The following ERC1 variants were observed in gnomAD, a reference collection of about 807,000 sequenced individuals.
The protein encoded by ERC1 is RAB6 interacting protein 2.
In ERC1, 56 loss-of-function variants were observed where a neutral mutation model predicts 132.0. The ratio of observed to expected loss-of-function variants is 0.42; its 90% confidence interval spans 0.34 to 0.53. The LOEUF (loss-of-function observed/expected upper bound fraction) is 0.53. ERC1 is among the 20% of genes least tolerant of loss of function. ERC1 has a pLI of 0.03. For synonymous variants in ERC1, 478 were observed against 476.1 expected (o/e 1.00, Z -0.05); for missense variants, 1,202 against 1,349.9 (o/e 0.89, Z 1.72).
chr12:1,232,969 A>G (rs73027414), intron 12 of ERC1, among the ~76,000 whole-genome samples: 4,631 of 152,290 alleles, frequency 0.03, 91 homozygotes, highest in South Asian at 0.058. Context: ...GAATACCCAT[A>G]TAGGGGAATC....
intron 7 of ERC1, among the ~76,000 whole-genome samples, chr12:1,137,189 C>T (rs1166381488): frequency 2.0e-5 from 3 of 147,910 alleles, no homozygotes; most frequent in Non-Finnish European, 3.0e-5. Flanking sequence ...ACCTCCGAAT[C>T]CCTGGTTCAA....
chr12:1,225,624 C>T (rs964510267), intron 12 of ERC1, among the ~76,000 whole-genome samples: 1 of 152,078 alleles, frequency 6.6e-6, no homozygotes, highest in Non-Finnish European at 1.5e-5. Flanking sequence ...ACTTACTCTT[C>T]GATATAATTG....
chr12:1,227,110 T>G (rs1186900195), intron 12 of ERC1, among the ~76,000 whole-genome samples: 5 of 152,210 alleles, frequency 3.3e-5, no homozygotes, highest in Admixed American at 2.0e-4. Context: ...GATATGGGAG[T>G]GCAGATCCTG....
intron 13 of ERC1, among the ~76,000 whole-genome samples, chr12:1,252,372 T>C (rs559942056): frequency 6.6e-6 from 1 of 152,286 alleles, no homozygotes; most frequent in South Asian, 2.1e-4. Flanking sequence ...TGGTAAAGAC[T>C]TTGAAAAGGT....
intron 12 of ERC1, among the ~76,000 whole-genome samples, chr12:1,196,970 ATATATATTTTTTT>A (rs1956371931): frequency 1.6e-5 from 1 of 60,690 alleles, no homozygotes; most frequent in African/African-American, 1.2e-4. Flanking sequence ...ACATATATAT[ATATATATTTTTTT>A]TTTTTTTTTT....
Position 1,396,740 on chromosome 12 carries a change from G to A in ERC1, c.2926-11409G>A, listed in dbSNP as rs115620639. On this transcript the variant is annotated intron_variant, in intron 16 of 18. Transcript: ENST00000360905. ...AGCAGCTGCCCAGGGGCTAGCAGAC[G>A]TAGTTATGACTAGAAGGACTTGGGT... Among the ~76,000 whole-genome samples, 525 of 152,252 alleles carry A rather than the reference G, an allele frequency of 3.4e-3. 2 individuals carry two copies. The highest frequency in any genetic ancestry group is 0.012 in the African/African-American group (480 of 41,552).
At chr12:1,028,949 GGT>G (rs1967441081) in intron 2 of ERC1, among the ~76,000 whole-genome samples, 1 of 150,402 alleles carries the variant, frequency 6.6e-6, no homozygotes, top group African/African-American at 2.4e-5. Flanking sequence ...TTAAATGTAA[GGT>G]ATACCATTAA....
At chr12:1,067,486 A>C (rs1406955836) in intron 2 of ERC1, among the ~76,000 whole-genome samples, 1 of 152,206 alleles carries the variant, frequency 6.6e-6, no homozygotes, top group African/African-American at 2.4e-5. Flanking sequence ...AACTCACCGA[A>C]GTAATTTAGT....
At chr12:1,204,516 A>G (rs1268457545) in intron 12 of ERC1, 1 of 1,591,744 alleles carries the variant, frequency 6.3e-7, no homozygotes, top group Non-Finnish European at 8.5e-7. Flanking sequence ...CCTCAAGGTC[A>G]GTATGCTTGC....
At chr12:1,147,527 C>T (rs896381141) in intron 8 of ERC1, among the ~76,000 whole-genome samples, 3 of 152,128 alleles carry the variant, frequency 2.0e-5, no homozygotes, top group African/African-American at 2.4e-5. Context: ...ACATTTACTT[C>T]TTATTAGGCA....
intron 17 of ERC1, among the ~76,000 whole-genome samples, chr12:1,415,322 A>G (rs1477285557): frequency 1.3e-5 from 2 of 152,252 alleles, no homozygotes; most frequent in Non-Finnish European, 2.9e-5. Context: ...TCTTGGTATA[A>G]GAACATGCCA....
intron 18 of ERC1, among the ~76,000 whole-genome samples, chr12:1,465,904 C>G (rs369643995): frequency 1.3e-5 from 2 of 152,198 alleles, no homozygotes; most frequent in East Asian, 1.9e-4. Context: ...CGCGGGTTTT[C>G]TCCCAGACCC....
At chr12:1,279,994 A>G (rs1373825830) in intron 14 of ERC1, among the ~76,000 whole-genome samples, 1 of 152,116 alleles carries the variant, frequency 6.6e-6, no homozygotes, top group Admixed American at 6.5e-5. Flanking sequence ...GTGCCCGACC[A>G]GACATGTTTT....
intron 15 of ERC1, among the ~76,000 whole-genome samples, chr12:1,356,969 C>T (rs1476908): frequency 0.063 from 9,568 of 152,194 alleles, 371 homozygotes; most frequent in East Asian, 0.13. Flanking sequence ...TCCATTTGGC[C>T]AACAAATGTT....
At chr12:1,058,351 G>T (rs536334333) in intron 2 of ERC1, among the ~76,000 whole-genome samples, 1 of 152,078 alleles carries the variant, frequency 6.6e-6, no homozygotes, top group South Asian at 2.1e-4. Flanking sequence ...TCTTTAATCA[G>T]TTTTGAGTTG....
chr12:1,344,758 A>C (rs903808502), intron 15 of ERC1, among the ~76,000 whole-genome samples: 8 of 152,176 alleles, frequency 5.3e-5, no homozygotes, highest in Admixed American at 3.9e-4. Flanking sequence ...ATTTTACACT[A>C]TCTCAATCTT....
At chr12:1,038,510 G>A (rs1266944744) in intron 2 of ERC1, among the ~76,000 whole-genome samples, 2 of 152,010 alleles carry the variant, frequency 1.3e-5, no homozygotes, top group African/African-American at 2.4e-5. Flanking sequence ...ACAGGCACAC[G>A]CCACCATGCC....
intron 15 of ERC1, among the ~76,000 whole-genome samples, chr12:1,349,063 A>G (rs955370631): frequency 4.6e-5 from 7 of 152,202 alleles, no homozygotes; most frequent in Admixed American, 4.6e-4. Context: ...GTAGTAATGC[A>G]CTGTGTCTTT....
At chr12:1,038,493 T>A (rs991870451) in intron 2 of ERC1, among the ~76,000 whole-genome samples, 1 of 152,054 alleles carries the variant, frequency 6.6e-6, no homozygotes, top group Non-Finnish European at 1.5e-5. Context: ...CCCAAGCAGC[T>A]GGGATTACAG....
Sources: allele counts gnomAD v4.1 joint callset (sites outside exome capture counted in the v4.1 genomes callset), GRCh38; gene constraint gnomAD v4.1.1; transcripts MANE v1.5; gene names NCBI Gene and HGNC (gene_info 2026-07-23, HGNC 2026-07-21).